The following GABRG3 variants were observed in gnomAD, a reference collection of about 807,000 sequenced individuals.
The protein encoded by GABRG3 is gamma-aminobutyric acid receptor subunit gamma-3.
A neutral mutation model predicts 48.8 loss-of-function variants in GABRG3; 25 were observed. The ratio of observed to expected loss-of-function variants is 0.51; its 90% confidence interval spans 0.37 to 0.72. GABRG3 has a LOEUF of 0.72. GABRG3 is among the 30% of genes least tolerant of loss of function. The pLI is 0.00. For missense variants in GABRG3, 394 were observed against 577.9 expected (o/e 0.68, Z 3.26); for synonymous variants, 227 against 217.6 (o/e 1.04, Z -0.38).
intron 3 of GABRG3, among the ~76,000 whole-genome samples, chr15:27,297,500 A>C (rs773579852): frequency 6.6e-6 from 1 of 152,208 alleles, no homozygotes; most frequent in Non-Finnish European, 1.5e-5. Context: ...ATGTTTACAT[A>C]TACAAATACT....
At chr15:27,300,306 G>A (rs753488989) in intron 3 of GABRG3, among the ~76,000 whole-genome samples, 1 of 152,106 alleles carries the variant, frequency 6.6e-6, no homozygotes, top group Non-Finnish European at 1.5e-5. Context: ...AGACTCAACA[G>A]ACACCCATGC....
intron 3 of GABRG3, among the ~76,000 whole-genome samples, chr15:27,115,680 C>T (rs910735242): frequency 6.6e-6 from 1 of 152,138 alleles, no homozygotes; most frequent in Non-Finnish European, 1.5e-5. Flanking sequence ...ACCAGTCCTC[C>T]CAACATACCT....
chr15:27,409,244 A>G (rs1887727420), intron 5 of GABRG3, among the ~76,000 whole-genome samples: 1 of 152,210 alleles, frequency 6.6e-6, no homozygotes. Context: ...TTTTATATTT[A>G]AATCTATTTT....
intron 3 of GABRG3, among the ~76,000 whole-genome samples, chr15:27,227,380 C>A (rs768843389): frequency 2.6e-5 from 4 of 151,990 alleles, no homozygotes; most frequent in Non-Finnish European, 4.4e-5. Flanking sequence ...ACCTGTAGTC[C>A]TTTGTTACTT....
chr15:27,307,173 T>G (rs1308657501), intron 3 of GABRG3, among the ~76,000 whole-genome samples: 1 of 138,414 alleles, frequency 7.2e-6, no homozygotes, highest in Non-Finnish European at 1.5e-5. Context: ...TGTTTATACA[T>G]AATATATAAA....
Position 27,490,900 on chromosome 15 carries a change from AC to A in GABRG3, c.712+10120del, listed in dbSNP as rs781021750. 3.9e-4 allele frequency among the ~76,000 whole-genome samples: 15 copies of A among 38,168 alleles called. 1 individual carries two copies. In the East Asian group the frequency reaches 4.1e-3, roughly 10 times the overall value. The allele number at this position is 38,168 out of a possible 152,430, so 25.0% of individuals were successfully genotyped here. On this transcript the variant is annotated intron_variant, in intron 6 of 9. Transcript: ENST00000615808. ...TTGTCCTGCCACCACCCCCACCACC[AC>A]CCCCCCTTCACACTGCTCTTGCCGC...
chr15:26,976,911 C>T lies in GABRG3; in HGVS notation c.54-91C>T, dbSNP rs949669836. ...GCTGTGGGTACTGGGGACTTTCTAC[C>T]CATTTCATGGTACTTGGATAGGACA... On this transcript the variant is annotated intron_variant, in intron 1 of 9. Coordinates refer to ENST00000615808, the MANE Select transcript of GABRG3 (RefSeq NM_033223.5). This position sits in a 1 kb window ranked among gnomAD's most constrained non-coding sequence, Gnocchi z 7.8. 1 of 1,332,360 alleles carries T rather than the reference C, an allele frequency of 7.5e-7. No individual in the cohort carries two copies. Among genetic ancestry groups the T allele is most frequent in the East Asian group, 2.3e-5 (1 of 43,056 alleles). 82.5% of individuals were successfully genotyped at this position (1,332,360 alleles called of 1,614,324 possible).
chr15:27,416,141 A>G (rs1220562486), intron 5 of GABRG3, among the ~76,000 whole-genome samples: 1 of 152,206 alleles, frequency 6.6e-6, no homozygotes, highest in African/African-American at 2.4e-5. Context: ...TTACATGTCA[A>G]ACTGTGCCTA....
chr15:27,261,476 G>C (rs1401749801), intron 3 of GABRG3, among the ~76,000 whole-genome samples: 1 of 151,372 alleles, frequency 6.6e-6, no homozygotes, highest in Non-Finnish European at 1.5e-5. Flanking sequence ...ATGGGCAGGG[G>C]TGCTGTTAAT....
chr15:27,306,345 A>G (rs1179069280), intron 3 of GABRG3, among the ~76,000 whole-genome samples: 2 of 118,300 alleles, frequency 1.7e-5, no homozygotes, highest in Non-Finnish European at 3.7e-5. Flanking sequence ...TAAAATATAA[A>G]CATGTCTACA....
At chr15:27,313,260 GTGTA>G (rs1319001225) in intron 3 of GABRG3, among the ~76,000 whole-genome samples, 18 of 49,558 alleles carry the variant, frequency 3.6e-4, no homozygotes, top group African/African-American at 8.0e-4. Context: ...GTGTGTGTGT[GTGTA>G]TATATATATA....
intron 3 of GABRG3, among the ~76,000 whole-genome samples, chr15:27,056,634 C>T (rs1896552833): frequency 6.6e-6 from 1 of 152,092 alleles, no homozygotes; most frequent in African/African-American, 2.4e-5. Flanking sequence ...AGCTCAGATC[C>T]TGCTGTTGGT....
chr15:27,064,642 C>T (rs764144012), intron 3 of GABRG3, among the ~76,000 whole-genome samples: 1 of 152,070 alleles, frequency 6.6e-6, no homozygotes, highest in Non-Finnish European at 1.5e-5. Flanking sequence ...ATCCTCCAGC[C>T]ACTCTTCTTT....
At chr15:27,089,486 G>C (rs554589437) in intron 3 of GABRG3, among the ~76,000 whole-genome samples, 6 of 152,216 alleles carry the variant, frequency 3.9e-5, no homozygotes, top group Non-Finnish European at 7.4e-5. Flanking sequence ...TGACTCTAGG[G>C]TACATCCGGG....
At chr15:27,336,234 G>GAGAGAGA (rs1555372729) in intron 5 of GABRG3, among the ~76,000 whole-genome samples, 1 of 141,056 alleles carries the variant, frequency 7.1e-6, no homozygotes, top group African/African-American at 2.8e-5. Context: ...GAGAGAGAGA[G>GAGAGAGA]GAGAAGAAAA....
At chr15:27,156,351 G>T (rs897770198) in intron 3 of GABRG3, among the ~76,000 whole-genome samples, 1 of 150,876 alleles carries the variant, frequency 6.6e-6, no homozygotes, top group Non-Finnish European at 1.5e-5. Context: ...TGTCTTGTTA[G>T]GATGCCCCTT....
intron 7 of GABRG3, among the ~76,000 whole-genome samples, chr15:27,527,057 TGAG>T (rs1218831400): frequency 2.0e-5 from 3 of 151,236 alleles, no homozygotes; most frequent in Admixed American, 1.3e-4. Context: ...ACTGGGGAGG[TGAG>T]GAGAAGTCAG....
intron 3 of GABRG3, among the ~76,000 whole-genome samples, chr15:27,209,092 C>T (rs987857488): frequency 1.1e-4 from 16 of 152,176 alleles, no homozygotes; most frequent in Non-Finnish European, 2.1e-4. Context: ...CCCAGCTCAC[C>T]GTGGCTGAAA....
chr15:27,519,469 TAAAAC>T (rs1891106983), intron 6 of GABRG3, among the ~76,000 whole-genome samples: 1 of 152,138 alleles, frequency 6.6e-6, no homozygotes, highest in Non-Finnish European at 1.5e-5. Context: ...ATACATTAAT[TAAAAC>T]AAAGTGCGAA....
Sources: gnomAD v4.1 joint callset for allele counts (sites outside exome capture counted in the v4.1 genomes callset) on GRCh38, gnomAD v4.1.1 for gene constraint, Gnocchi (gnomAD v3.1) non-coding constraint, MANE v1.5 for transcripts, NCBI Gene and HGNC (gene_info 2026-07-23, HGNC 2026-07-21) for gene names.